Variants in PCLO observed in about 807,000 individuals in gnomAD.
The protein encoded by PCLO is piccolo presynaptic cytomatrix protein.
Under a neutral mutation model 427.5 loss-of-function variants are expected in PCLO, and 82 were observed. The ratio of observed to expected loss-of-function variants is 0.19; its 90% CI spans 0.16 to 0.23. The LOEUF is 0.23. Among genes scored for constraint, PCLO ranks in the 10% least tolerant of loss-of-function variants. The pLI is 1.00. For missense variants in PCLO, 6,239 were observed against 6,115.9 expected, an observed-to-expected ratio of 1.02 and a Z score of -0.67; for synonymous variants, 2,357 against 2,155.4, an observed-to-expected ratio of 1.09 and a Z score of -2.59.
intron 22 of PCLO, among the ~76,000 whole-genome samples, chr7:82,776,694 C>A (rs1790758089): frequency 6.6e-6 from 1 of 152,068 alleles, no homozygotes; most frequent in Non-Finnish European, 1.5e-5. Flanking sequence ...ACTCAGGAGG[C>A]TGAAGCGGGA....
chr7:82,964,804 C>A (rs1264562649), intron 4 of PCLO, among the ~76,000 whole-genome samples: 1 of 151,950 alleles, frequency 6.6e-6, no homozygotes, highest in Middle Eastern at 3.2e-3. Flanking sequence ...TGAAAGGAGA[C>A]CAGGATTTAC....
chr7:82,917,800 A>G (rs868784441), intron 6 of PCLO, among the ~76,000 whole-genome samples: 9 of 152,010 alleles, frequency 5.9e-5, no homozygotes, highest in African/African-American at 2.2e-4. Flanking sequence ...TTAATTCTCC[A>G]ATTTTCCCCA....
intron 22 of PCLO, among the ~76,000 whole-genome samples, chr7:82,787,503 A>G (rs2129468300): frequency 6.6e-6 from 1 of 152,192 alleles, no homozygotes; most frequent in East Asian, 1.9e-4. Context: ...TTTTAGTAGA[A>G]TATTTTATTT....
chr7:83,064,569 G>A (rs928486354), intron 3 of PCLO, among the ~76,000 whole-genome samples: 2 of 151,952 alleles, frequency 1.3e-5, no homozygotes, highest in Admixed American at 1.3e-4. Context: ...GGAAATAACA[G>A]ATGTTCATCA....
At chr7:83,005,438 G>C (rs1041167543) in intron 3 of PCLO, among the ~76,000 whole-genome samples, 1 of 151,526 alleles carries the variant, frequency 6.6e-6, no homozygotes, top group African/African-American at 2.4e-5. Flanking sequence ...GGGAGAGGTT[G>C]GTCAAAGGGT....
chr7:82,859,662 A>G (rs1414703493), intron 10 of PCLO, among the ~76,000 whole-genome samples: 1 of 152,202 alleles, frequency 6.6e-6, no homozygotes, highest in Admixed American at 6.5e-5. Context: ...AGTAAAGACT[A>G]CAGTAAATAC....
At chr7:82,959,961 T>C (rs764068575) in intron 4 of PCLO, among the ~76,000 whole-genome samples, 24 of 152,120 alleles carry the variant, frequency 1.6e-4, no homozygotes, top group Non-Finnish European at 3.1e-4. Flanking sequence ...TCTCTTCCCA[T>C]GGTGGTGTAT....
rs1184770791 is a variant in PCLO, at chr7:82,803,938, T to C, written c.14933+1750A>G. Among the ~76,000 whole-genome samples the C allele has an allele frequency of 3.3e-5, 5 of 152,130 alleles. No individual in the cohort carries two copies. The East Asian group carries it at 9.6e-4, about 29-fold the overall frequency. On this transcript the variant is annotated intron_variant, in intron 21 of 24. Transcript: ENST00000333891. ...AAAATCAAAATTAGAATGTGGTATA[T>C]ATATAAAATACATAATCTACTTATA...
At chr7:82,914,597 G>T in intron 7 of PCLO, 89 bp downstream of exon 7, 1 of 1,272,412 alleles carries the variant, frequency 7.9e-7, no homozygotes, top group East Asian at 2.5e-5. Flanking sequence ...AGAAAAGTAG[G>T]ATACATCTCT....
intron 3 of PCLO, among the ~76,000 whole-genome samples, chr7:83,036,859 G>C (rs1788809142): frequency 6.6e-6 from 1 of 152,054 alleles, no homozygotes; most frequent in East Asian, 1.9e-4. Context: ...TAGCTCCAAG[G>C]CTGCTTCTTC....
intron 9 of PCLO, among the ~76,000 whole-genome samples, chr7:82,891,461 T>G (rs955164389): frequency 6.6e-6 from 1 of 152,118 alleles, no homozygotes; most frequent in Non-Finnish European, 1.5e-5. Context: ...TTTCTAGATA[T>G]ACAACCATGT....
At chr7:82,854,119 C>A (rs1352473931) in intron 10 of PCLO, among the ~76,000 whole-genome samples, 1 of 152,088 alleles carries the variant, frequency 6.6e-6, no homozygotes, top group Non-Finnish European at 1.5e-5. Context: ...CTTCCCACAT[C>A]TCCTCTCATG....
At chr7:82,877,442 T>G (rs942785473) in intron 10 of PCLO, among the ~76,000 whole-genome samples, 1 of 152,180 alleles carries the variant, frequency 6.6e-6, no homozygotes, top group East Asian at 1.9e-4. Context: ...ATCACTCTCA[T>G]CCTTAAAAAT....
At chr7:82,870,981 G>A (rs570338655) in intron 10 of PCLO, among the ~76,000 whole-genome samples, 1 of 152,000 alleles carries the variant, frequency 6.6e-6, no homozygotes, top group African/African-American at 2.4e-5. Context: ...AAGACTTGAA[G>A]AAAGAGAAAT....
Position 82,952,707 on chromosome 7 carries a change from G to A in PCLO, c.8246C>T (p.Ala2749Val). The change falls in exon 5 of 25, where the codon GCT (alanine) becomes GTT (valine). Residue 2749 changes from alanine to valine, a missense_variant. Coordinates refer to ENST00000333891, the MANE Select transcript of PCLO (RefSeq NM_033026.6). Reference sequence around the variant, plus strand: ...CTGCCTTTTCACATCCATTGTAGAAGCAGAAAGATCAATACATTTATCAGT... The same window carrying A: ...CTGCCTTTTCACATCCATTGTAGAAACAGAAAGATCAATACATTTATCAGT... ...KTTDKCIDLS[A>V]STMDVKRQIT... The A allele has an allele frequency of 6.2e-6, 10 of 1,613,828 alleles. No individual in the cohort carries two copies. Among genetic ancestry groups the A allele is most frequent in the Non-Finnish European group, 7.6e-6 (9 of 1,179,796 alleles).
At chr7:82,946,562 T>C (rs1052550127) in intron 6 of PCLO, among the ~76,000 whole-genome samples, 3 of 152,132 alleles carry the variant, frequency 2.0e-5, no homozygotes, top group Admixed American at 2.0e-4. Context: ...AATCTGTATG[T>C]AGGAGTCAGC....
chr7:83,067,929 T>C (rs558691633), intron 3 of PCLO, among the ~76,000 whole-genome samples: 744 of 14,002 alleles, frequency 0.053, 9 homozygotes, highest in African/African-American at 0.34. Flanking sequence ...TGTGCATATC[T>C]GAAACCAAGG....
At chr7:83,108,127 T>A (rs1790913721) in intron 3 of PCLO, among the ~76,000 whole-genome samples, 1 of 152,090 alleles carries the variant, frequency 6.6e-6, no homozygotes, top group Admixed American at 6.5e-5. Context: ...ACAGTTTATA[T>A]AAAGTCAAAG....
chr7:82,998,470 C>T (rs1787689995), intron 3 of PCLO, among the ~76,000 whole-genome samples: 1 of 151,798 alleles, frequency 6.6e-6, no homozygotes, highest in Non-Finnish European at 1.5e-5. Context: ...TGGGGTTTCA[C>T]TACAGTCTAA....
Sources: allele counts gnomAD v4.1 joint callset (sites outside exome capture counted in the v4.1 genomes callset), GRCh38; gene constraint gnomAD v4.1.1; transcripts MANE v1.5; gene names NCBI Gene and HGNC (gene_info 2026-07-23, HGNC 2026-07-21).